Variants in ITPR1 observed in about 807,000 individuals in gnomAD.
ITPR1 encodes inositol 1,4,5-trisphosphate-gated calcium channel ITPR1.
Under a neutral mutation model 318.4 loss-of-function variants are expected in ITPR1, and 96 were observed. The observed-to-expected ratio is 0.30, with a 90% CI of 0.26 to 0.36. ITPR1 has a LOEUF of 0.36. ITPR1 is among the 10% of genes least tolerant of loss of function. The probability of loss-of-function intolerance (pLI) is 1.00; values close to 1 mark genes in which losing one functional copy is unlikely to be tolerated. For missense variants in ITPR1, 2,440 were observed against 3,460.2 expected (o/e 0.71, Z 7.40); for synonymous variants, 1,312 against 1,289.9 (o/e 1.02, Z -0.37).
At chr3:4,833,947 G>A (rs1238845607) in intron 60 of ITPR1, among the ~76,000 whole-genome samples, 4 of 152,068 alleles carry the variant, frequency 2.6e-5, no homozygotes, top group African/African-American at 9.7e-5. Context: ...GCTGTAGTGC[G>A]GTGGCACAAT....
chr3:4,494,054 C>T (rs1170971889), intron 1 of ITPR1, among the ~76,000 whole-genome samples: 1 of 152,104 alleles, frequency 6.6e-6, no homozygotes, highest in African/African-American at 2.4e-5. Context: ...GGAAGAAAAC[C>T]GGAGAAGCGG....
chr3:4,680,708 G>A lies in ITPR1; in HGVS notation c.3106+17G>A. 1 of 1,597,710 alleles carries A rather than the reference G, an allele frequency of 6.3e-7. No homozygotes were observed. The highest frequency in any genetic ancestry group is 8.5e-7 in the Non-Finnish European group (1 of 1,171,524). ...ATGTACCAGGTTAGTGATTCAGAAT[G>A]GAATTTCAGCCATAGAATGGGACCT... On this transcript the variant is annotated intron_variant, in intron 25 of 61. Coordinates refer to ENST00000649015, the MANE Select transcript of ITPR1 (RefSeq NM_001378452.1).
In ITPR1 at chr3:4,788,040, T is replaced by G. The variant is rs1280509849; in HGVS notation, c.6709T>G (p.Tyr2237Asp). ...LTKESKLRIYYTTERDEQGSK... is the reference protein window; with the variant it reads ...LTKESKLRIYDTTERDEQGSK... ...CAAGGAGTCAAAACTACGAATTTACTATACTACAGAGAGAGACGAACAAGG... is the reference window on the plus strand; with the variant it reads ...CAAGGAGTCAAAACTACGAATTTACGATACTACAGAGAGAGACGAACAAGG... The change falls in exon 52 of 62, where the codon TAT (tyrosine) becomes GAT (aspartate). Residue 2237 changes from tyrosine (Y) to aspartate (D), a missense_variant. Tyr to Asp is a radical substitution (Grantham distance 160). This residue lies in a region of ITPR1 where 115 missense variants were observed against 204.5 expected (regional missense o/e 0.56). Coordinates refer to ENST00000649015, the MANE Select transcript of ITPR1 (RefSeq NM_001378452.1). 1 of 1,612,816 alleles carries G rather than the reference T, an allele frequency of 6.2e-7. No homozygotes were observed. Among genetic ancestry groups the G allele is most frequent in the East Asian group, 2.2e-5 (1 of 44,874 alleles).
At chr3:4,781,580 G>C (rs1288738040) in intron 49 of ITPR1, among the ~76,000 whole-genome samples, 1 of 152,216 alleles carries the variant, frequency 6.6e-6, no homozygotes, top group Non-Finnish European at 1.5e-5. Context: ...CGGGAGCCGA[G>C]TCGTGCGGCT....
Position 4,710,286 on chromosome 3 carries a change from C to A in ITPR1, c.4843-39C>A. ...GTCCTCACCCTCCTGTGGTCAGCGT[C>A]TGCCTGAGCCGTTGACTGAGGCTGT... is the stretch of plus-strand genomic sequence containing the variant. On this transcript the variant is annotated intron_variant, in intron 37 of 61. Transcript: ENST00000649015. This position sits in a 1 kb window ranked among gnomAD's most constrained non-coding sequence, Gnocchi z 4.2. The A allele has an allele frequency of 6.7e-7, 1 of 1,495,592 alleles. No homozygotes were observed. The allele number at this position is 1,495,592 out of a possible 1,614,324, so 92.6% of individuals were successfully genotyped here.
chr3:4,683,090 C>T (rs988421607), intron 26 of ITPR1, among the ~76,000 whole-genome samples: 6 of 152,176 alleles, frequency 3.9e-5, no homozygotes, highest in South Asian at 2.1e-4. Context: ...AGACCACAGA[C>T]GAAGCCCAGC....
intron 44 of ITPR1, among the ~76,000 whole-genome samples, chr3:4,744,341 G>A (rs565466971): frequency 6.6e-6 from 1 of 152,326 alleles, no homozygotes; most frequent in South Asian, 2.1e-4. Context: ...CTAGCAAGAG[G>A]TCTGTGCTCT....
intron 53 of ITPR1, among the ~76,000 whole-genome samples, chr3:4,797,135 G>A (rs3805018): frequency 6.6e-6 from 1 of 151,080 alleles, no homozygotes; most frequent in Non-Finnish European, 1.5e-5. Flanking sequence ...TCAGAGCTCC[G>A]AGGAGATTTG....
chr3:4,784,053 G>C (rs1559889498), intron 51 of ITPR1, 133 bp downstream of exon 51: 1 of 639,352 alleles, frequency 1.6e-6, no homozygotes, highest in Non-Finnish European at 2.7e-6. Context: ...CTAGGTCCTG[G>C]GCTGGGTGCT....
intron 44 of ITPR1, among the ~76,000 whole-genome samples, chr3:4,748,444 C>CTT (rs1455109568): frequency 2.1e-5 from 1 of 48,552 alleles, no homozygotes; most frequent in Non-Finnish European, 5.6e-5. Context: ...AATGGAAGCA[C>CTT]ATTTTTTTTT....
intron 5 of ITPR1, among the ~76,000 whole-genome samples, chr3:4,632,236 T>C (rs1206236127): frequency 6.6e-6 from 1 of 152,242 alleles, no homozygotes; most frequent in Non-Finnish European, 1.5e-5. Flanking sequence ...GGGGCTATCT[T>C]TCTGGAGGGT....
chr3:4,800,722 G>A (rs2048172918), intron 54 of ITPR1, 122 bp downstream of exon 54: 5 of 1,019,696 alleles, frequency 4.9e-6, no homozygotes, highest in Non-Finnish European at 5.8e-6. Context: ...TGGGGCAACT[G>A]TTTAAATAGC....
At chr3:4,789,660 C>A (rs1003954149) in intron 52 of ITPR1, among the ~76,000 whole-genome samples, 4 of 152,166 alleles carry the variant, frequency 2.6e-5, no homozygotes, top group African/African-American at 9.7e-5. Context: ...TGGTCTGTCG[C>A]CCAGGCTGGA....
rs770224244 is a variant in ITPR1 at position 4,680,661 on chromosome 3, A to T, written c.3076A>T (p.Ser1026Cys). ...GACTTCAGAAACATCCTCCGGAAAC[A>T]GCAGCCAAGAAGGGCCAAGTAATGT... ...SQTSETSSGN[S>C]SQEGPSNVPG... The change falls in exon 25 of 62, where the codon AGC becomes TGC. Residue 1026 changes from serine (S) to cysteine (C), a missense_variant. Ser to Cys is a moderately radical substitution (Grantham distance 112, BLOSUM62 -1). Around this residue, in one of 23 missense-constraint regions of ITPR1, gnomAD observed 57 missense variants for 46.2 expected, o/e 1.23. Transcript: ENST00000649015. 1 of 1,613,588 alleles carries T rather than the reference A, an allele frequency of 6.2e-7. No individual in the cohort carries two copies. Among genetic ancestry groups the T allele is most frequent in the Admixed American group, 1.7e-5 (1 of 60,006 alleles).
chr3:4,648,913 A>G (rs2093528968), intron 10 of ITPR1, among the ~76,000 whole-genome samples: 1 of 152,260 alleles, frequency 6.6e-6, no homozygotes, highest in Non-Finnish European at 1.5e-5. Context: ...AGTTTCTGAA[A>G]TAAAACTTGT....
At chr3:4,739,025 C>A (rs534922409) in intron 44 of ITPR1, among the ~76,000 whole-genome samples, 11 of 152,388 alleles carry the variant, frequency 7.2e-5, no homozygotes, top group Non-Finnish European at 1.5e-4. Context: ...CTAGCCTAGA[C>A]TTGACTTGTC....
At chr3:4,530,119 T>G (rs751208065) in intron 4 of ITPR1, among the ~76,000 whole-genome samples, 1 of 152,214 alleles carries the variant, frequency 6.6e-6, no homozygotes, top group African/African-American at 2.4e-5. Flanking sequence ...GTGAGCTGCA[T>G]TGACACAGAA....
chr3:4,765,391 C>T (rs2045748055), intron 44 of ITPR1, among the ~76,000 whole-genome samples: 1 of 152,162 alleles, frequency 6.6e-6, no homozygotes, highest in African/African-American at 2.4e-5. Context: ...GTGTGTGAGT[C>T]AATGGCTGGA....
At chr3:4,594,694 C>A (rs576318160) in intron 4 of ITPR1, among the ~76,000 whole-genome samples, 1 of 152,278 alleles carries the variant, frequency 6.6e-6, no homozygotes, top group South Asian at 2.1e-4. Context: ...CTTGGCCAAC[C>A]CAGCCCTCCA....
Sources: allele counts gnomAD v4.1 joint callset (sites outside exome capture counted in the v4.1 genomes callset), GRCh38; gene constraint gnomAD v4.1.1; regional missense constraint gnomAD v4.1.1; non-coding constraint Gnocchi (gnomAD v3.1); transcripts MANE v1.5; gene names NCBI Gene and HGNC (gene_info 2026-07-23, HGNC 2026-07-21).